ATRNL1: variants seen among roughly 807,000 people sequenced by gnomAD.
ATRNL1 encodes the protein attractin-like protein 1.
ATRNL1 carries 95 observed loss-of-function variants against 182.7 expected under a neutral mutation model. The observed-to-expected ratio is 0.52, with a 90% confidence interval of 0.44 to 0.62. The LOEUF (loss-of-function observed/expected upper bound fraction) is 0.62, where lower values mean the gene tolerates loss of function less well. Ranked by LOEUF, ATRNL1 falls within the 20% of genes least tolerant of loss-of-function variation. The pLI is 0.00. For synonymous variants in ATRNL1, 576 were observed against 568.3 expected (o/e 1.01, Z -0.19); for missense variants, 1,471 against 1,679.5 (o/e 0.88, Z 2.17).
Position 115,268,132 on chromosome 10 carries a change from C to T in ATRNL1, c.1982-194C>T, listed in dbSNP as rs2253505. On this transcript the variant is annotated intron_variant, in intron 12 of 28. Coordinates refer to ENST00000355044, the MANE Select transcript of ATRNL1 (RefSeq NM_207303.4). ...TAATTAAAATGGGGGTAAAAGGTCTCGAAAATCCTGTAAACACAATTGAAC... is the reference window on the plus strand; with the variant it reads ...TAATTAAAATGGGGGTAAAAGGTCTTGAAAATCCTGTAAACACAATTGAAC... Among the ~76,000 whole-genome samples the T allele has an allele frequency of 8.1e-3, 1,224 of 152,006 alleles. 17 individuals are homozygous for T. The highest frequency in any genetic ancestry group is 0.028 in the African/African-American group (1,175 of 41,444).
chr10:115,208,647 G>C (rs1554894338), intron 8 of ATRNL1, among the ~76,000 whole-genome samples: 1 of 151,948 alleles, frequency 6.6e-6, no homozygotes. Context: ...ATTGTTGCTT[G>C]GAGCACAAAC....
chr10:115,764,654 C>T (rs1209570000), intron 27 of ATRNL1, among the ~76,000 whole-genome samples: 3 of 151,882 alleles, frequency 2.0e-5, no homozygotes, highest in Admixed American at 6.6e-5. Flanking sequence ...AAGTTTCCTC[C>T]GTGTCTTTTT....
intron 27 of ATRNL1, among the ~76,000 whole-genome samples, chr10:115,826,230 A>C (rs1555091949): frequency 6.6e-6 from 1 of 151,966 alleles, no homozygotes; most frequent in South Asian, 2.1e-4. Context: ...TTTCCCTCTG[A>C]ATTTCTCTTG....
Position 115,301,884 on chromosome 10 carries a change from A to C in ATRNL1, c.2659A>C (p.Lys887Gln). Reference protein sequence around the residue: ...VSPNQNARPCKKPCSLRTSCS... With the variant: ...VSPNQNARPCQKPCSLRTSCS... ...TCCAAATCAAAATGCGAGGCCGTGC[A>C]AAAAGCCATGCTCTCTGAGGACATC... The change falls in exon 17 of 29, where the codon AAA (lysine) becomes CAA (glutamine). Residue 887 changes from lysine (K) to glutamine (Q), a missense_variant. Around this residue, in one of 3 missense-constraint regions of ATRNL1, gnomAD observed 1,031 missense variants for 1,156.0 expected, o/e 0.89. Coordinates refer to ENST00000355044, the MANE Select transcript of ATRNL1 (RefSeq NM_207303.4). 3 of 1,609,104 alleles carry C rather than the reference A, an allele frequency of 1.9e-6. No individual in the cohort carries two copies. The highest frequency in any genetic ancestry group is 2.5e-6 in the Non-Finnish European group (3 of 1,178,208).
At chr10:115,619,548 C>T (rs1555021986) in intron 26 of ATRNL1, among the ~76,000 whole-genome samples, 1 of 152,210 alleles carries the variant, frequency 6.6e-6, no homozygotes, top group African/African-American at 2.4e-5. Context: ...TTGACAGACT[C>T]CAGGCAGTCT....
chr10:115,365,592 A>G (rs1418364834), intron 19 of ATRNL1, among the ~76,000 whole-genome samples: 2 of 151,876 alleles, frequency 1.3e-5, no homozygotes, highest in Middle Eastern at 3.2e-3. Context: ...TTGCTTTTCT[A>G]GTTCTTTTAA....
intron 27 of ATRNL1, among the ~76,000 whole-genome samples, chr10:115,787,295 G>A (rs1177979114): frequency 6.6e-6 from 1 of 152,130 alleles, no homozygotes; most frequent in African/African-American, 2.4e-5. Context: ...GCTCTTGAGA[G>A]TAGAGATTTG....
At chr10:115,921,328 GT>G (rs57477665) in intron 28 of ATRNL1, among the ~76,000 whole-genome samples, 107,784 of 151,950 alleles carry the variant, frequency 0.71, 40,223 homozygotes, top group East Asian at 0.94. Context: ...TTTAAGCAGT[GT>G]TTTTTTGTCT....
intron 28 of ATRNL1, among the ~76,000 whole-genome samples, chr10:115,909,796 A>G (rs1395653061): frequency 2.6e-5 from 4 of 152,182 alleles, no homozygotes; most frequent in South Asian, 2.1e-4. Context: ...TTTACAACAT[A>G]CAGTTAATCA....
intron 24 of ATRNL1, among the ~76,000 whole-genome samples, chr10:115,510,649 A>T (rs1362869139): frequency 1.3e-5 from 2 of 152,046 alleles, no homozygotes; most frequent in Non-Finnish European, 2.9e-5. Context: ...TTTGTGACCC[A>T]CTTTATTGCG....
chr10:115,794,455 A>G (rs1243355775), intron 27 of ATRNL1, among the ~76,000 whole-genome samples: 1 of 152,206 alleles, frequency 6.6e-6, no homozygotes, highest in Non-Finnish European at 1.5e-5. Context: ...AATTATAGCA[A>G]AAGAATCTAG....
intron 27 of ATRNL1, among the ~76,000 whole-genome samples, chr10:115,755,607 T>G (rs531023017): frequency 6.6e-6 from 1 of 152,216 alleles, no homozygotes; most frequent in South Asian, 2.1e-4. Flanking sequence ...CGATGTTCAT[T>G]ATGGATATTG....
chr10:115,328,175 G>T (rs1272556934), intron 18 of ATRNL1, among the ~76,000 whole-genome samples: 7 of 151,664 alleles, frequency 4.6e-5, no homozygotes, highest in Non-Finnish European at 2.9e-5. Flanking sequence ...TAACATTATT[G>T]TAAAGATAAT....
chr10:115,673,502 C>G (rs1359315182), intron 26 of ATRNL1, among the ~76,000 whole-genome samples: 2 of 151,968 alleles, frequency 1.3e-5, no homozygotes, highest in African/African-American at 2.4e-5. Flanking sequence ...ACAGTGGTAT[C>G]TCCATTGGTA....
Position 115,381,432 on chromosome 10 carries a change from A to ATTTTT in ATRNL1, c.3176-13214_3176-13210dup, listed in dbSNP as rs375127246. Among the ~76,000 whole-genome samples, 29 of 68,540 alleles carry ATTTTT rather than the reference A, an allele frequency of 4.2e-4. 4 individuals carry two copies. The highest frequency in any genetic ancestry group is 7.0e-4 in the Admixed American group (5 of 7,118). 45.0% of individuals were successfully genotyped at this position (68,540 alleles called of 152,430 possible). A position where few individuals can be genotyped will look rare whatever the true frequency, so the allele number is the denominator to read the frequency against. Reference sequence around the variant, plus strand: ...CAGGCACATGCCACCATACCTGGCAATTTTTTTTTTTTTTTTTAGTAGACA... The same window carrying ATTTTT: ...CAGGCACATGCCACCATACCTGGCAATTTTTTTTTTTTTTTTTTTTTTAGTAGACA... On this transcript the variant is annotated intron_variant, in intron 19 of 28. Coordinates refer to ENST00000355044, the MANE Select transcript of ATRNL1 (RefSeq NM_207303.4).
chr10:115,903,207 G>A (rs57235740), intron 28 of ATRNL1, among the ~76,000 whole-genome samples: 7,722 of 152,164 alleles, frequency 0.051, 541 homozygotes, highest in African/African-American at 0.16. Flanking sequence ...TTAAAATATT[G>A]ATACATTCAT....
chr10:115,333,406 TTAAA>T (rs1366475548), intron 18 of ATRNL1, among the ~76,000 whole-genome samples: 2 of 152,184 alleles, frequency 1.3e-5, no homozygotes, highest in Non-Finnish European at 2.9e-5. Flanking sequence ...TAGTTCAAAC[TTAAA>T]TAGACTTTCA....
At position 115,529,569 on chromosome 10, in the gene ATRNL1, G is replaced by GT. The variant is rs34602543; in HGVS notation, c.3716+10253dup. On this transcript the variant is annotated intron_variant, in intron 25 of 28. Coordinates refer to ENST00000355044, the MANE Select transcript of ATRNL1 (RefSeq NM_207303.4). ...TCCTTTTAGCAGTTTAAGAATTATA[G>GT]TTTTTTTTATTTAATGATTACTCTT... Among the ~76,000 whole-genome samples, 34 of 151,228 alleles carry GT rather than the reference G, an allele frequency of 2.2e-4. 1 individual carries two copies. The highest frequency in any genetic ancestry group is 7.5e-4 in the African/African-American group (31 of 41,376).
chr10:115,705,323 T>C (rs1295951428), intron 26 of ATRNL1, among the ~76,000 whole-genome samples: 1 of 151,958 alleles, frequency 6.6e-6, no homozygotes, highest in Non-Finnish European at 1.5e-5. Context: ...GCATTACATC[T>C]AGAAATTTTC....
Sources: allele counts gnomAD v4.1 joint callset (sites outside exome capture counted in the v4.1 genomes callset), GRCh38; gene constraint gnomAD v4.1.1; regional missense constraint gnomAD v4.1.1; transcripts MANE v1.5; gene names NCBI Gene and HGNC (gene_info 2026-07-23, HGNC 2026-07-21).